The following C2CD3 variants were observed in gnomAD, a reference collection of about 807,000 sequenced individuals.
The protein encoded by C2CD3 is C2 domain containing 3 centriole elongation regulator.
In C2CD3, 148 loss-of-function variants were observed where a neutral mutation model predicts 234.0. That is an observed-to-expected ratio of 0.63 (90% confidence interval 0.55 to 0.72). The LOEUF is 0.72. C2CD3 is among the 30% of genes least tolerant of loss of function. The pLI is 0.00. For synonymous variants in C2CD3, 1,000 were observed against 1,035.4 expected, an observed-to-expected ratio of 0.97 and a Z score of 0.66; for missense variants, 2,577 against 2,811.5, an observed-to-expected ratio of 0.92 and a Z score of 1.89.
chr11:74,039,332 G>A (rs918890872), intron 29 of C2CD3, among the ~76,000 whole-genome samples: 5 of 152,168 alleles, frequency 3.3e-5, no homozygotes, highest in African/African-American at 1.2e-4. Flanking sequence ...TTCAAATGCA[G>A]CACTGTTTAA....
chr11:74,170,422 T>G (rs1857100145), intron 1 of C2CD3, among the ~76,000 whole-genome samples: 1 of 152,212 alleles, frequency 6.6e-6, no homozygotes, highest in Admixed American at 6.5e-5. Context: ...CCTGTGGACC[T>G]CGAAAGCTAC....
Position 74,038,670 on chromosome 11 carries a change from A to G in C2CD3, c.5661-972T>C, listed in dbSNP as rs145102152. ...TCCCTGCTCTGTTTCTATTCCAGTC[A>G]GCTTTTAAGGTTGCAGCTCACATTT... On this transcript the variant is annotated intron_variant, in intron 29 of 32. Coordinates refer to ENST00000334126, the MANE Select transcript of C2CD3 (RefSeq NM_001286577.2). 1.4e-4 allele frequency among the ~76,000 whole-genome samples: 22 copies of G among 152,362 alleles called. No individual in the cohort carries two copies. In the East Asian group the frequency reaches 4.0e-3, roughly 28 times the overall value.
chr11:74,088,138 A>C (rs1183956187), intron 20 of C2CD3, among the ~76,000 whole-genome samples: 1 of 152,244 alleles, frequency 6.6e-6, no homozygotes, highest in Admixed American at 6.5e-5. Context: ...TTTACTGGCA[A>C]ATAGAGGTCA....
intron 23 of C2CD3, among the ~76,000 whole-genome samples, chr11:74,076,713 A>T (rs1275450873): frequency 6.6e-6 from 1 of 152,036 alleles, no homozygotes; most frequent in Non-Finnish European, 1.5e-5. Context: ...AATCTATCAA[A>T]CTGCCTCATT....
rs1396704756 is a variant in C2CD3, at chr11:74,033,954, A to G, written c.6206T>C (p.Ile2069Thr). 2 of 1,536,360 alleles carry G rather than the reference A, an allele frequency of 1.3e-6. No homozygotes were observed. The highest frequency in any genetic ancestry group is 1.4e-5 in the African/African-American group (1 of 73,144). ...YSDEDYEEDI[I>T]EPRTLNEITT... ...GATCTCATTTAAGGTCCTGGGCTCA[A>G]TGATGTCTTCTTCATAGTCCTCATC... The change falls in exon 31 of 33, where the codon ATT becomes ACT. Residue 2069 changes from isoleucine (I) to threonine (T), a missense_variant. Transcript: ENST00000334126.
At chr11:74,134,074 T>C in intron 5 of C2CD3, among the ~76,000 whole-genome samples, 1 of 152,078 alleles carries the variant, frequency 6.6e-6, no homozygotes, top group South Asian at 2.1e-4. Flanking sequence ...GCAACACAAA[T>C]CAGAGAATAC....
intron 8 of C2CD3, among the ~76,000 whole-genome samples, chr11:74,121,608 CAAA>C (rs369249513): frequency 1.6e-5 from 1 of 62,184 alleles, no homozygotes; most frequent in South Asian, 7.3e-4. Context: ...GACTCCGTCT[CAAA>C]AAAAAAAAAA....
At chr11:74,020,803 G>A (rs1236860951) in intron 32 of C2CD3, among the ~76,000 whole-genome samples, 1 of 152,192 alleles carries the variant, frequency 6.6e-6, no homozygotes, top group East Asian at 1.9e-4. Flanking sequence ...CTCAGGCCCA[G>A]CTCTAGTTCT....
At chr11:74,104,839 T>C (rs997920369) in intron 13 of C2CD3, among the ~76,000 whole-genome samples, 4 of 152,154 alleles carry the variant, frequency 2.6e-5, no homozygotes, top group Non-Finnish European at 5.9e-5. Flanking sequence ...GAATAGTATT[T>C]CTCTCAAAAG....
At chr11:74,067,240 G>A (rs1954583563) in intron 24 of C2CD3, among the ~76,000 whole-genome samples, 1 of 152,094 alleles carries the variant, frequency 6.6e-6, no homozygotes, top group African/African-American at 2.4e-5. Flanking sequence ...GGAAGCTTGG[G>A]AAGGAGAACT....
intron 18 of C2CD3, 99 bp downstream of exon 18, chr11:74,093,717 G>T: frequency 1.1e-6 from 1 of 879,526 alleles, no homozygotes; most frequent in Non-Finnish European, 1.7e-6. Flanking sequence ...AGGCTGCTTA[G>T]CTTCCTTACA....
At position 74,093,933 on chromosome 11, in the gene C2CD3, T is replaced by C; in HGVS notation, c.3227A>G (p.Glu1076Gly). The change falls in exon 18 of 33, where the codon GAA becomes GGA. Residue 1076 changes from glutamate to glycine, a missense_variant. Transcript: ENST00000334126. ...LCVPDPIFNS[E>G]HHHSLLLPAE... ...TGGCAACAGGAGAGAGTGATGGTGT[T>C]CACTATTAAAGATGGGATCTGGAAC... 2.5e-6 allele frequency: 4 copies of C among 1,614,082 alleles called. No individual in the cohort carries two copies. The highest frequency in any genetic ancestry group is 3.4e-6 in the Non-Finnish European group (4 of 1,179,950).
In C2CD3 at chr11:74,170,841, A is replaced by C; in HGVS notation, c.-49T>G. On this transcript the variant is annotated 5_prime_UTR_variant, in exon 1 of 33. It introduces an in-frame stop codon into an upstream open reading frame of the 5' UTR. Transcript: ENST00000334126. ...CAGCTCAACTCCGTCTCCAGCACCT[A>C]AGCAGTATCCTCCCGCCATCCCTCC... 1 of 1,613,228 alleles carries C rather than the reference A, an allele frequency of 6.2e-7. No individual in the cohort carries two copies. The highest frequency in any genetic ancestry group is 8.5e-7 in the Non-Finnish European group (1 of 1,179,688).
intron 14 of C2CD3, among the ~76,000 whole-genome samples, chr11:74,101,049 T>C (rs975538955): frequency 6.6e-6 from 1 of 152,206 alleles, no homozygotes; most frequent in Non-Finnish European, 1.5e-5. Context: ...TTGAAACAAG[T>C]ATGCTACTGA....
chr11:74,084,961 ATATC>A lies in C2CD3; in HGVS notation c.3916_3919del (p.Asp1306Ter). 1 of 1,604,896 alleles carries A rather than the reference ATATC, an allele frequency of 6.2e-7. No homozygotes were observed. Among genetic ancestry groups the A allele is most frequent in the Non-Finnish European group, 8.5e-7 (1 of 1,172,394 alleles). On this transcript the variant is annotated frameshift_variant, in exon 22 of 33. Coordinates refer to ENST00000334126, the MANE Select transcript of C2CD3 (RefSeq NM_001286577.2). LOFTEE classifies it high-confidence loss of function. ...CTCTTTGCATGACTCAATACTGATT[ATATC>A]ACTTGCTGTTAAATCAAGCAAAAAA...
At chr11:74,020,916 TGGGGAATG>T (rs1256497945) in intron 32 of C2CD3, among the ~76,000 whole-genome samples, 1 of 152,142 alleles carries the variant, frequency 6.6e-6, no homozygotes, top group Non-Finnish European at 1.5e-5. Context: ...GGATGCTGTA[TGGGGAATG>T]GGTTGTGAGG....
In C2CD3 at chr11:74,066,937, A is replaced by G. The variant is rs74935471; in HGVS notation, c.4951+7316T>C. Among the ~76,000 whole-genome samples, 564 of 152,300 alleles carry G rather than the reference A, an allele frequency of 3.7e-3. 5 individuals are homozygous for G. Among genetic ancestry groups the G allele is most frequent in the African/African-American group, 0.013 (539 of 41,568 alleles). ...TCCCTGTTGCCTTAAAACAACTACA[A>G]TAAGCATAACATCTACTAGTAGGCT... On this transcript the variant is annotated intron_variant, in intron 24 of 32. Coordinates refer to ENST00000334126, the MANE Select transcript of C2CD3 (RefSeq NM_001286577.2).
intron 3 of C2CD3, among the ~76,000 whole-genome samples, chr11:74,155,335 T>C (rs2135562333): frequency 6.6e-6 from 1 of 152,250 alleles, no homozygotes; most frequent in South Asian, 2.1e-4. Context: ...TTCTGGAAAA[T>C]AGTCTGGCAG....
At position 74,057,531 on chromosome 11, in the gene C2CD3, T is replaced by C; in HGVS notation, c.4965A>G (p.Thr1655=). Residue 1655 remains threonine, a synonymous_variant, in exon 25 of 33, where the codon ACA becomes ACG. Coordinates refer to ENST00000334126, the MANE Select transcript of C2CD3 (RefSeq NM_001286577.2). The stretch of plus-strand genomic sequence containing the variant: ...AACTGGGTATCGATACTTTCCGCTC[T>C]GTCAAGGGGCTCCCTGAAATAGAAT... ...MHLSLKGSPL[T]ERKVSIPSCC... The C allele has an allele frequency of 6.2e-7, 1 of 1,614,184 alleles. No homozygotes were observed. The highest frequency in any genetic ancestry group is 1.6e-4 in the Middle Eastern group (1 of 6,062).
Sources: gnomAD v4.1 joint callset for allele counts (sites outside exome capture counted in the v4.1 genomes callset) on GRCh38, gnomAD v4.1.1 for gene constraint, MANE v1.5 for transcripts, NCBI Gene and HGNC (gene_info 2026-07-23, HGNC 2026-07-21) for gene names.